The following ABCA12 variants were observed in gnomAD, a reference collection of about 807,000 sequenced individuals.
The protein encoded by ABCA12 is glucosylceramide transporter ABCA12.
ABCA12 carries 156 observed loss-of-function variants against 293.5 expected under a neutral mutation model. That is an observed-to-expected ratio of 0.53 (90% CI 0.47 to 0.61). The LOEUF is 0.61. Among genes scored for constraint, ABCA12 ranks in the 20% least tolerant of loss-of-function variants. The probability of loss-of-function intolerance (pLI) is 0.00; values close to 1 mark genes in which losing one functional copy is unlikely to be tolerated. For missense variants in ABCA12, 2,797 were observed against 3,090.2 expected (o/e 0.91, Z 2.25); for synonymous variants, 1,063 against 1,108.0 (o/e 0.96, Z 0.81).
chr2:215,125,511 C>T (rs1041159189), intron 1 of ABCA12, among the ~76,000 whole-genome samples: 5 of 151,964 alleles, frequency 3.3e-5, no homozygotes, highest in African/African-American at 4.8e-5. Flanking sequence ...AGAGGGCTTT[C>T]GAGTCCTTTG....
rs1701042145 is a variant in ABCA12, at chr2:215,038,888, A to C, written c.873-1823T>G. On this transcript the variant is annotated intron_variant, in intron 7 of 52. Transcript: ENST00000272895. ...AATAAATAATGACACCTGGGCTTCCATCTTCTCTGAAATCCTTTACACCAT... is the reference window on the plus strand; with the variant it reads ...AATAAATAATGACACCTGGGCTTCCCTCTTCTCTGAAATCCTTTACACCAT... 2.0e-5 allele frequency: 3 copies of C among 152,352 alleles called. No homozygotes were observed. In the South Asian group the frequency reaches 6.2e-4, roughly 32 times the overall value. The allele number at this position is 152,352 out of a possible 1,614,324, so 9.4% of individuals were successfully genotyped here.
At chr2:215,086,261 G>A (rs1328166160) in intron 2 of ABCA12, among the ~76,000 whole-genome samples, 2 of 152,134 alleles carry the variant, frequency 1.3e-5, no homozygotes, top group African/African-American at 4.8e-5. Flanking sequence ...ATTAACTTTT[G>A]TAGTTACTTC....
At chr2:214,976,739 C>T (rs1310575210) in intron 33 of ABCA12, among the ~76,000 whole-genome samples, 1 of 152,106 alleles carries the variant, frequency 6.6e-6, no homozygotes, top group African/African-American at 2.4e-5. Context: ...TCTACCATCC[C>T]CATACTTTGA....
rs539801963 is a variant in ABCA12 at position 214,981,889 on chromosome 2, T to C, written c.4579+298A>G. On this transcript the variant is annotated intron_variant, in intron 30 of 52. Transcript: ENST00000272895. ...CTTGGGTTCAAGTGATTCTCCAGCC[T>C]CAGCCTCCTGACTAGCTAGGACTAC... is the stretch of plus-strand genomic sequence containing the variant. 1.1e-3 allele frequency among the ~76,000 whole-genome samples: 166 copies of C among 147,668 alleles called. 1 individual carries two copies. Among genetic ancestry groups the C allele is most frequent in the African/African-American group, 4.0e-3 (161 of 40,428 alleles).
intron 14 of ABCA12, among the ~76,000 whole-genome samples, chr2:215,017,419 C>T (rs1234364898): frequency 6.6e-6 from 1 of 152,324 alleles, no homozygotes; most frequent in Non-Finnish European, 1.5e-5. Flanking sequence ...CAACCACAAA[C>T]TTACCCTTAG....
chr2:215,095,202 A>T (rs1229133274), intron 2 of ABCA12, among the ~76,000 whole-genome samples: 1 of 152,304 alleles, frequency 6.6e-6, no homozygotes, highest in African/African-American at 2.4e-5. Flanking sequence ...TACCTAAATC[A>T]ATCTGGCCTA....
chr2:215,118,168 G>A (rs1412099995), intron 1 of ABCA12, among the ~76,000 whole-genome samples: 5 of 152,154 alleles, frequency 3.3e-5, no homozygotes, highest in African/African-American at 9.7e-5. Context: ...TTGGGAGGCC[G>A]AGGCGGGCAG....
Position 214,990,902 on chromosome 2 carries a change from T to C in ABCA12, c.3424A>G (p.Thr1142Ala), listed in dbSNP as rs1699897399. The change falls in exon 24 of 53, where the codon ACA (threonine) becomes GCA (alanine). Residue 1142 changes from threonine (T) to alanine (A), a missense_variant. By Grantham distance (58) the Thr-to-Ala change is moderately conservative (BLOSUM62 0). Around this residue, in one of 3 missense-constraint regions of ABCA12, gnomAD observed 2,130 missense variants for 2,427.0 expected, o/e 0.88. Coordinates refer to ENST00000272895, the MANE Select transcript of ABCA12 (RefSeq NM_173076.3). ...ILKFGNILPK[T>A]NGFILFLYFS... ...TACAGGAACAAAATGAACCCATTTGTTTTAGGAAGAATATTGCCAAACTTG... is the reference window on the plus strand; with the variant it reads ...TACAGGAACAAAATGAACCCATTTGCTTTAGGAAGAATATTGCCAAACTTG... 1 of 1,614,034 alleles carries C rather than the reference T, an allele frequency of 6.2e-7. No individual in the cohort carries two copies.
At chr2:215,049,593 G>A (rs771114533) in intron 6 of ABCA12, 33 bp downstream of exon 6, 9 of 1,566,986 alleles carry the variant, frequency 5.7e-6, no homozygotes, top group South Asian at 1.1e-5. Context: ...AATTCATGTT[G>A]AGTCACTTTG....
intron 2 of ABCA12, among the ~76,000 whole-genome samples, chr2:215,099,864 A>G (rs1702319646): frequency 6.6e-6 from 1 of 152,102 alleles, no homozygotes; most frequent in Admixed American, 6.5e-5. Flanking sequence ...AACTTAACAA[A>G]CTTCCTTTAG....
intron 2 of ABCA12, among the ~76,000 whole-genome samples, chr2:215,084,987 G>C (rs986038787): frequency 1.1e-4 from 17 of 151,528 alleles, no homozygotes; most frequent in African/African-American, 4.1e-4. Flanking sequence ...CTAGCTACTT[G>C]GGAGGCTGAG....
Position 214,986,561 on chromosome 2 carries a change from C to G in ABCA12, c.4144G>C (p.Ala1382Pro). The stretch of plus-strand genomic sequence containing the variant: ...ACATACATGGTAGTAGTTTTCCCAG[C>G]TCCATTGGGCCCCAGCAATGAAGTA... ...HITSLLGPNG[A>P]GKTTTISMLT... The change falls in exon 28 of 53, where the codon GCT (alanine) becomes CCT (proline). Residue 1382 changes from alanine (A) to proline (P), a missense_variant. Transcript: ENST00000272895. 6.2e-7 allele frequency: 1 copy of G among 1,614,058 alleles called. No individual in the cohort carries two copies.
intron 3 of ABCA12, among the ~76,000 whole-genome samples, chr2:215,059,090 A>G (rs553554922): frequency 6.6e-6 from 1 of 152,134 alleles, no homozygotes; most frequent in Non-Finnish European, 1.5e-5. Context: ...TGGAAAGAAA[A>G]TTCTGACATT....
chr2:215,093,825 A>C (rs952594912), intron 2 of ABCA12, among the ~76,000 whole-genome samples: 68 of 152,242 alleles, frequency 4.5e-4, no homozygotes, highest in African/African-American at 1.6e-3. Flanking sequence ...CCGGCCTCCC[A>C]CATTATTCCT....
chr2:215,128,522 G>A (rs1435812758), intron 1 of ABCA12, among the ~76,000 whole-genome samples: 1 of 151,902 alleles, frequency 6.6e-6, no homozygotes, highest in Non-Finnish European at 1.5e-5. Context: ...TGTCTTTGTT[G>A]GATTGGATTA....
At chr2:215,026,741 C>A in intron 10 of ABCA12, 79 bp downstream of exon 10, 2 of 1,213,840 alleles carry the variant, frequency 1.6e-6, no homozygotes, top group Non-Finnish European at 2.4e-6. Flanking sequence ...CCTGTGTAAG[C>A]AAATGCCTCA....
intron 11 of ABCA12, 106 bp from the exon 12 acceptor site, chr2:215,019,902 C>A (rs1303308957): frequency 7.3e-7 from 1 of 1,378,196 alleles, no homozygotes; most frequent in African/African-American, 1.4e-5. Context: ...GAAAAACATT[C>A]TGCCTATGTA....
intron 1 of ABCA12, among the ~76,000 whole-genome samples, chr2:215,127,899 T>C (rs919849948): frequency 6.6e-6 from 1 of 152,188 alleles, no homozygotes; most frequent in Non-Finnish European, 1.5e-5. Flanking sequence ...AGGTCCTGTG[T>C]GATTTATTCT....
At chr2:214,975,154 G>A (rs1270587811) in intron 34 of ABCA12, among the ~76,000 whole-genome samples, 5 of 152,116 alleles carry the variant, frequency 3.3e-5, no homozygotes, top group South Asian at 2.1e-4. Flanking sequence ...TAGTAGAGAC[G>A]GGGTTTTGCC....
Sources: gnomAD v4.1 joint callset for allele counts (sites outside exome capture counted in the v4.1 genomes callset) on GRCh38, gnomAD v4.1.1 for gene constraint, gnomAD v4.1.1 regional missense constraint, MANE v1.5 for transcripts, NCBI Gene and HGNC (gene_info 2026-07-23, HGNC 2026-07-21) for gene names.